DCUN1D2: variants seen among roughly 807,000 people sequenced by gnomAD.
DCUN1D2 encodes DCN1-like protein 2.
DCUN1D2 carries 29 observed loss-of-function variants against 30.9 expected under a neutral mutation model. That is an observed-to-expected ratio of 0.94 (90% CI 0.70 to 1.28). The LOEUF (loss-of-function observed/expected upper bound fraction) is 1.28. DCUN1D2 is among the 50% of genes most tolerant of loss of function. The probability of loss-of-function intolerance (pLI) is 0.00; values close to 1 mark genes in which losing one functional copy is unlikely to be tolerated. For synonymous variants in DCUN1D2, 121 were observed against 115.3 expected (o/e 1.05, Z -0.32); for missense variants, 325 against 316.9 (o/e 1.03, Z -0.19).
chr13:113,466,033 G>T (rs1032229927), intron 4 of DCUN1D2, among the ~76,000 whole-genome samples: 5 of 152,086 alleles, frequency 3.3e-5, no homozygotes, highest in Non-Finnish European at 5.9e-5. Flanking sequence ...CTACAGGTGT[G>T]TGCCACCAGA....
chr13:113,463,840 A>C (rs2044359355), intron 4 of DCUN1D2, among the ~76,000 whole-genome samples: 1 of 152,064 alleles, frequency 6.6e-6, no homozygotes, highest in African/African-American at 2.4e-5. Flanking sequence ...ACACAGACAC[A>C]AAGGAAATAA....
chr13:113,466,494 A>G (rs952641021), intron 4 of DCUN1D2, among the ~76,000 whole-genome samples: 1 of 152,180 alleles, frequency 6.6e-6, no homozygotes, highest in African/African-American at 2.4e-5. Context: ...TTCTTTTGAT[A>G]TGCTAAGTCA....
intron 1 of DCUN1D2, among the ~76,000 whole-genome samples, chr13:113,486,281 T>G (rs977427718): frequency 6.6e-6 from 1 of 152,054 alleles, no homozygotes; most frequent in Non-Finnish European, 1.5e-5. Flanking sequence ...TTCTCACTTG[T>G]AAGTGGGAGC....
intron 4 of DCUN1D2, among the ~76,000 whole-genome samples, chr13:113,461,978 C>T (rs762225866): frequency 5.9e-5 from 9 of 152,104 alleles, no homozygotes; most frequent in Non-Finnish European, 8.8e-5. Context: ...ACCGGCCGGG[C>T]GTGGTGGCTC....
chr13:113,459,179 AAAT>A, intron 6 of DCUN1D2, 130 bp downstream of exon 6: 1 of 580,204 alleles, frequency 1.7e-6, no homozygotes, highest in Non-Finnish European at 3.2e-6. Context: ...GATTTACAGA[AAAT>A]AATAAGGAAG....
intron 3 of DCUN1D2, 48 bp downstream of exon 3, chr13:113,480,527 A>C: frequency 6.3e-7 from 1 of 1,596,148 alleles, no homozygotes; most frequent in African/African-American, 1.3e-5. Flanking sequence ...ATAATGTTAG[A>C]AGTATTTTCA....
chr13:113,479,910 C>A (rs954492449), intron 3 of DCUN1D2, among the ~76,000 whole-genome samples: 3 of 152,190 alleles, frequency 2.0e-5, no homozygotes, highest in Admixed American at 6.5e-5. Context: ...CACACACAGG[C>A]AATGTATTGT....
At position 113,488,688 on chromosome 13, in the gene DCUN1D2, G is replaced by A. The variant is rs768458575; in HGVS notation, c.3+1979C>T. On this transcript the variant is annotated intron_variant, in intron 1 of 6. Transcript: ENST00000478244. The surrounding 1 kb of genome is among the most constrained non-coding windows in gnomAD (Gnocchi z 4.3). ...AGGTCAAATTAACAAAGGCCCAGAC[G>A]TTGGCAAGAAGCTTCGAGTGCACCC... 3.3e-5 allele frequency among the ~76,000 whole-genome samples: 5 copies of A among 152,056 alleles called. No homozygotes were observed. The highest frequency in any genetic ancestry group is 1.3e-4 in the Admixed American group (2 of 15,272).
chr13:113,478,006 T>C (rs189022938), intron 3 of DCUN1D2, among the ~76,000 whole-genome samples: 1 of 152,360 alleles, frequency 6.6e-6, no homozygotes, highest in East Asian at 1.9e-4. Flanking sequence ...TGGCCTATAA[T>C]TTTCCATTCT....
Position 113,480,622 on chromosome 13 carries a change from C to G in DCUN1D2, c.342G>C (p.Gln114His), listed in dbSNP as rs1267100429. The G allele has an allele frequency of 1.9e-6, 3 of 1,614,144 alleles. No homozygotes were observed. Among genetic ancestry groups the G allele is most frequent in the Middle Eastern group, 1.6e-4 (1 of 6,062 alleles). ...GAAATTCCTTTCTGCTAAATTCACA[C>G]TGAGTTGCTGCCCTGAACTTCCACG... ...VIAWKFRAAT[Q>H]CEFSRKEFLD... The change falls in exon 3 of 7, where the codon CAG becomes CAC. Residue 114 changes from glutamine to histidine, a missense_variant. Gln to His is a conservative substitution (Grantham distance 24, BLOSUM62 0). Coordinates refer to ENST00000478244, the MANE Select transcript of DCUN1D2 (RefSeq NM_001014283.2).
chr13:113,461,069 C>G lies in DCUN1D2; in HGVS notation c.588G>C (p.Trp196Cys), dbSNP rs2044310664. Residue 196 changes from tryptophan to cysteine, a missense_variant, in exon 5 of 7, where the codon TGG becomes TGC. Coordinates refer to ENST00000478244, the MANE Select transcript of DCUN1D2 (RefSeq NM_001014283.2). ...LSGRFKFLDLWNTFLMEHHKR... is the reference protein window; with the variant it reads ...LSGRFKFLDLCNTFLMEHHKR... ...GGACACTTACCATTAAGAATGTGTT[C>G]CAGAGATCTAAAAATTTAAACCTTC... 6.2e-7 allele frequency: 1 copy of G among 1,607,940 alleles called. No homozygotes were observed. The highest frequency in any genetic ancestry group is 8.5e-7 in the Non-Finnish European group (1 of 1,175,292).
chr13:113,476,717 T>C (rs560846408), intron 3 of DCUN1D2, among the ~76,000 whole-genome samples: 50 of 152,342 alleles, frequency 3.3e-4, no homozygotes, highest in African/African-American at 1.2e-3. Context: ...TTTTAAAAAT[T>C]ATCCTATTTC....
intron 2 of DCUN1D2, among the ~76,000 whole-genome samples, chr13:113,481,371 G>A (rs140999020): frequency 1.2e-3 from 183 of 152,232 alleles, no homozygotes; most frequent in African/African-American, 3.9e-3. Context: ...ATATATTTAA[G>A]GCATCCCAGC....
chr13:113,475,251 G>T (rs1828084091), intron 3 of DCUN1D2: 1 of 152,234 alleles, frequency 6.6e-6, no homozygotes, highest in Non-Finnish European at 1.5e-5. Context: ...ATGGCACCTA[G>T]ATTCCTGCCA....
intron 4 of DCUN1D2, among the ~76,000 whole-genome samples, chr13:113,464,137 T>C (rs192006395): frequency 4.6e-5 from 7 of 152,384 alleles, no homozygotes; most frequent in East Asian, 1.9e-4. Context: ...GAGGAGGCTA[T>C]TGTTTTCTTT....
At chr13:113,477,194 G>A (rs1487284610) in intron 3 of DCUN1D2, among the ~76,000 whole-genome samples, 2 of 152,072 alleles carry the variant, frequency 1.3e-5, no homozygotes, top group Non-Finnish European at 1.5e-5. Context: ...TATCTATTGG[G>A]ATTTTTAAAT....
In DCUN1D2 at chr13:113,483,834, T is replaced by C; in HGVS notation, c.220+6A>G. ...TCCGTCCGGCTTTGCTGCAGTCTCCTCTTACCTTTGTACCTGCCGTACAGC... is the reference window on the plus strand; with the variant it reads ...TCCGTCCGGCTTTGCTGCAGTCTCCCCTTACCTTTGTACCTGCCGTACAGC... On this transcript the variant is annotated splice_donor_region_variant and intron_variant, in intron 2 of 6. Coordinates refer to ENST00000478244, the MANE Select transcript of DCUN1D2 (RefSeq NM_001014283.2). 6.2e-7 allele frequency: 1 copy of C among 1,611,836 alleles called. No individual in the cohort carries two copies.
At chr13:113,469,389 T>G (rs2044464969) in intron 4 of DCUN1D2, among the ~76,000 whole-genome samples, 1 of 152,154 alleles carries the variant, frequency 6.6e-6, no homozygotes. Context: ...AGATCAAAAG[T>G]GCAACCTTCA....
chr13:113,468,682 G>A (rs959416101), intron 4 of DCUN1D2, among the ~76,000 whole-genome samples: 26 of 150,344 alleles, frequency 1.7e-4, no homozygotes, highest in Admixed American at 5.9e-4. Context: ...CTGGACAGGC[G>A]GGGCGGAGGC....
Sources: gnomAD v4.1 joint callset for allele counts (sites outside exome capture counted in the v4.1 genomes callset) on GRCh38, gnomAD v4.1.1 for gene constraint, Gnocchi (gnomAD v3.1) non-coding constraint, MANE v1.5 for transcripts, NCBI Gene and HGNC (gene_info 2026-07-23, HGNC 2026-07-21) for gene names.